HIBCH: variants seen among roughly 807,000 people sequenced by gnomAD.
HIBCH encodes 3-hydroxyisobutyryl-CoA hydrolase, mitochondrial.
In HIBCH, 50 loss-of-function variants were observed where a neutral mutation model predicts 58.2. That is an observed-to-expected ratio of 0.86 (90% CI 0.68 to 1.09). The LOEUF (loss-of-function observed/expected upper bound fraction) is 1.09, where lower values mean the gene tolerates loss of function less well. Ranked by LOEUF, HIBCH falls within the 50% of genes least tolerant of loss-of-function variation. HIBCH has a pLI of 0.00. For synonymous variants in HIBCH, 151 were observed against 146.9 expected (o/e 1.03, Z -0.20); for missense variants, 450 against 449.7 (o/e 1.00, Z -0.01).
chr2:190,281,054 T>C lies in HIBCH; in HGVS notation c.438+6532A>G, dbSNP rs1041684872. ...AAGCCCACACTTCAGCTCTCTACAG[T>C]TGAAGTTGCAAACTGGTGCCATGCT... On this transcript the variant is annotated intron_variant, in intron 6 of 13. Coordinates refer to ENST00000359678, the MANE Select transcript of HIBCH (RefSeq NM_014362.4). The surrounding 1 kb of genome is among the most constrained non-coding windows in gnomAD (Gnocchi z 5.4). 2 of 152,236 alleles carry C rather than the reference T, an allele frequency of 1.3e-5. No homozygotes were observed. The highest frequency in any genetic ancestry group is 4.8e-5 in the African/African-American group (2 of 41,452). The allele number at this position is 152,236 out of a possible 1,614,324, so 9.4% of individuals were successfully genotyped here.
chr2:190,196,869 G>C (rs1407625654), intron 1 of HIBCH, among the ~76,000 whole-genome samples: 2 of 152,026 alleles, frequency 1.3e-5, no homozygotes, highest in African/African-American at 2.4e-5. Context: ...CATTCAGGAT[G>C]GTATAACAAA....
chr2:190,259,409 A>G (rs989339511), intron 7 of HIBCH, among the ~76,000 whole-genome samples: 1 of 147,604 alleles, frequency 6.8e-6, no homozygotes, highest in African/African-American at 2.5e-5. Flanking sequence ...CCCAGGCTAC[A>G]GTGCAGTGGC....
intron 5 of HIBCH, among the ~76,000 whole-genome samples, chr2:190,289,187 G>A (rs1025527205): frequency 6.6e-6 from 1 of 151,912 alleles, no homozygotes; most frequent in Admixed American, 6.6e-5. Flanking sequence ...AATGTTAAAT[G>A]AGTATACAGC....
At chr2:190,258,575 T>A (rs1575730383) in intron 7 of HIBCH, among the ~76,000 whole-genome samples, 1 of 152,354 alleles carries the variant, frequency 6.6e-6, no homozygotes, top group East Asian at 1.9e-4. Flanking sequence ...GAGCCACCCC[T>A]TGCATCAGTG....
At chr2:190,295,189 C>A (rs1170940683) in intron 3 of HIBCH, among the ~76,000 whole-genome samples, 1 of 152,150 alleles carries the variant, frequency 6.6e-6, no homozygotes, top group Non-Finnish European at 1.5e-5. Context: ...AAGTCCAGAA[C>A]AATGGACGAA....
Position 190,269,809 on chromosome 2 carries a change from G to C in HIBCH, c.439-8575C>G, listed in dbSNP as rs1575738488. ...GCAGCACTGTTCACAATAGCAAAGA[G>C]TTGGAACCAACCCAGATGCACATCA... On this transcript the variant is annotated intron_variant, in intron 6 of 13. Transcript: ENST00000359678. 5.3e-5 allele frequency among the ~76,000 whole-genome samples: 8 copies of C among 152,234 alleles called. 1 individual carries two copies. The highest frequency in any genetic ancestry group is 5.2e-4 in the Admixed American group (8 of 15,282).
At chr2:190,282,905 A>G (rs2582740) in intron 6 of HIBCH, among the ~76,000 whole-genome samples, 109,444 of 151,234 alleles carry the variant, frequency 0.72, 40,111 homozygotes, top group Non-Finnish European at 0.75. Flanking sequence ...ATACAGTTGG[A>G]AAGATGAGAT....
intron 6 of HIBCH, among the ~76,000 whole-genome samples, chr2:190,264,679 T>A (rs1333373258): frequency 6.6e-6 from 1 of 152,208 alleles, no homozygotes; most frequent in Non-Finnish European, 1.5e-5. Flanking sequence ...GTTAATCCAT[T>A]CTAATATAAA....
chr2:190,246,251 A>C, intron 9 of HIBCH, 39 bp from the exon 10 acceptor site: 1 of 1,171,992 alleles, frequency 8.5e-7, no homozygotes, highest in Non-Finnish European at 1.3e-6. Context: ...ATTTGAACAC[A>C]ATTTTTTAAT....
intron 11 of HIBCH, among the ~76,000 whole-genome samples, chr2:190,235,683 C>A (rs956219464): frequency 2.6e-5 from 4 of 152,172 alleles, no homozygotes; most frequent in African/African-American, 7.2e-5. Flanking sequence ...TCTGCACTTT[C>A]CAAACATTTG....
In HIBCH at chr2:190,249,698, G is replaced by A. The variant is rs756964939; in HGVS notation, c.692C>T (p.Ala231Val). The change falls in exon 9 of 14, where the codon GCC becomes GTC. Residue 231 changes from alanine (A) to valine (V), a missense_variant. Transcript: ENST00000359678. Reference protein sequence around the residue: ...KLAMLEEDLLALKSPSKENIA... With the variant: ...KLAMLEEDLLVLKSPSKENIA... ...ATTTTCTTTTGAAGGAGATTTCAAG[G>A]CTAACAAATCTTCCTCTAACATGGC... 9.9e-6 allele frequency: 16 copies of A among 1,609,172 alleles called. No homozygotes were observed. In the East Asian group the frequency reaches 3.6e-4, roughly 36 times the overall value.
In HIBCH at chr2:190,246,166, T is replaced by A; in HGVS notation, c.797A>T (p.Asp266Val). ...TCTTTTTAGGTACCTGTTTATTTTG[T>A]CCATGTGTTCCTCAAGTATAAAAGA... ...DKSFILEEHM[D>V]KINSCFSANT... is the part of the protein sequence containing the mutation. The change falls in exon 10 of 14, where the codon GAC (aspartate) becomes GTC (valine). Residue 266 changes from aspartate to valine, a missense_variant. Asp to Val is a radical substitution (Grantham distance 152). Coordinates refer to ENST00000359678, the MANE Select transcript of HIBCH (RefSeq NM_014362.4). 1.9e-6 allele frequency: 3 copies of A among 1,580,668 alleles called. No individual in the cohort carries two copies. The highest frequency in any genetic ancestry group is 2.6e-6 in the Non-Finnish European group (3 of 1,150,418).
Position 190,310,766 on chromosome 2 carries a change from T to C in HIBCH, c.66A>G (p.Ile22Met), listed in dbSNP as rs1688535816. 6.2e-7 allele frequency: 1 copy of C among 1,609,708 alleles called. No homozygotes were observed. Residue 22 changes from isoleucine to methionine, a missense_variant, in exon 2 of 14, where the codon ATA (isoleucine) becomes ATG (methionine). Ile to Met is a conservative substitution (Grantham distance 10). Transcript: ENST00000359678. ...CACAATAACTTACCAAATGGTGCAG[T>C]ATGGTATTAGTCCTTTTGAATGCAT... ...RFNAFKRTNTILHHLRMSKHT... is the reference protein window; with the variant it reads ...RFNAFKRTNTMLHHLRMSKHT...
intron 6 of HIBCH, among the ~76,000 whole-genome samples, chr2:190,264,970 AAAATTAGCCAGGCATGGTGTCATGC>A (rs1687191661): frequency 6.6e-6 from 1 of 151,952 alleles, no homozygotes; most frequent in African/African-American, 2.4e-5. Context: ...TAAAACAACA[AAAATTAGCCAGGCATGGTGTCATGC>A]GCCTGTAATC....
chr2:190,216,613 CTG>C lies in HIBCH; in HGVS notation c.892-3540_892-3539del, dbSNP rs2105905336. The stretch of plus-strand genomic sequence containing the variant: ...ACAGCTGCTCAGCTGTGATGCCAAA[CTG>C]TCTGCTTTGTCAGAGGCCAGAATTC... On this transcript the variant is annotated intron_variant, in intron 11 of 13. Transcript: ENST00000359678. This position sits in a 1 kb window ranked among gnomAD's most constrained non-coding sequence, Gnocchi z 4.2. 6.6e-6 allele frequency among the ~76,000 whole-genome samples: 1 copy of C among 152,318 alleles called. No individual in the cohort carries two copies. The highest frequency in any genetic ancestry group is 2.4e-5 in the African/African-American group (1 of 41,562).
At position 190,230,524 on chromosome 2, in the gene HIBCH, G is replaced by A. The variant is rs574468915; in HGVS notation, c.891+14363C>T. 1.1e-4 allele frequency among the ~76,000 whole-genome samples: 17 copies of A among 152,198 alleles called. No individual in the cohort carries two copies. The South Asian group carries it at 1.2e-3, about 11-fold the overall frequency. ...AGCCTGGCCAATAAGGTGAAACCCC[G>A]TCTCTACTAAAAATACAAAAATTAG... On this transcript the variant is annotated intron_variant, in intron 11 of 13. Transcript: ENST00000359678.
chr2:190,244,421 TAG>T (rs141519638), intron 11 of HIBCH, among the ~76,000 whole-genome samples: 16 of 152,288 alleles, frequency 1.1e-4, no homozygotes, highest in Non-Finnish European at 2.1e-4. Context: ...TGGCAAGAGA[TAG>T]AGTCTCTTGC....
At chr2:190,308,587 A>G (rs1193716634) in intron 2 of HIBCH, among the ~76,000 whole-genome samples, 2 of 152,318 alleles carry the variant, frequency 1.3e-5, no homozygotes, top group South Asian at 2.1e-4. Context: ...CCCCCTTGCC[A>G]CATGATGTCC....
At chr2:190,205,320 C>T in intron 13 of HIBCH, 88 bp from the exon 14 acceptor site, 2 of 749,636 alleles carry the variant, frequency 2.7e-6, no homozygotes, top group South Asian at 3.2e-5. Context: ...AATTCTTATA[C>T]TAGGCACATT....
Sources: allele counts gnomAD v4.1 joint callset (sites outside exome capture counted in the v4.1 genomes callset), GRCh38; gene constraint gnomAD v4.1.1; non-coding constraint Gnocchi (gnomAD v3.1); transcripts MANE v1.5; gene names NCBI Gene and HGNC (gene_info 2026-07-23, HGNC 2026-07-21).